Variants in ECE1 observed in about 807,000 individuals in gnomAD.
The protein encoded by ECE1 is endothelin converting enzyme 1, also known as endothelin-converting enzyme 1.
ECE1 carries 35 observed loss-of-function variants against 98.6 expected under a neutral mutation model. The ratio of observed to expected loss-of-function variants is 0.35; its 90% CI spans 0.27 to 0.47. ECE1 has a LOEUF of 0.47. Among genes scored for constraint, ECE1 ranks in the 20% least tolerant of loss-of-function variants. The probability of loss-of-function intolerance (pLI) is 1.00; values close to 1 mark genes in which losing one functional copy is unlikely to be tolerated. For synonymous variants in ECE1, 394 were observed against 407.1 expected (o/e 0.97, Z 0.39); for missense variants, 814 against 1,025.3 (o/e 0.79, Z 2.81).
intron 8 of ECE1, among the ~76,000 whole-genome samples, chr1:21,251,561 T>C (rs1348160474): frequency 6.6e-6 from 1 of 152,186 alleles, no homozygotes; most frequent in Non-Finnish European, 1.5e-5. Context: ...TCTCAGTTTC[T>C]GGGTAACTCT....
At chr1:21,320,444 T>A (rs148809855) in intron 1 of ECE1, among the ~76,000 whole-genome samples, 1 of 152,192 alleles carries the variant, frequency 6.6e-6, no homozygotes, top group Non-Finnish European at 1.5e-5. Flanking sequence ...TACTGTTTTA[T>A]GAGTAATTGA....
intron 4 of ECE1, among the ~76,000 whole-genome samples, chr1:21,261,924 C>T (rs1024561565): frequency 1.3e-5 from 2 of 152,154 alleles, no homozygotes; most frequent in Non-Finnish European, 1.5e-5. Context: ...AAAGGGCAGG[C>T]GGACTGCTTG....
intron 4 of ECE1, among the ~76,000 whole-genome samples, chr1:21,269,797 A>G (rs190268355): frequency 3.9e-5 from 6 of 152,290 alleles, no homozygotes; most frequent in Admixed American, 3.3e-4. Context: ...CACTTGTCCA[A>G]GGCCACACGA....
chr1:21,259,505 A>G (rs1052742811), intron 5 of ECE1, among the ~76,000 whole-genome samples: 8 of 151,912 alleles, frequency 5.3e-5, no homozygotes, highest in African/African-American at 1.9e-4. Flanking sequence ...GCTTCAAGTG[A>G]TCCTCCTGCC....
At chr1:21,311,601 G>A (rs946938066) in intron 1 of ECE1, among the ~76,000 whole-genome samples, 1 of 151,648 alleles carries the variant, frequency 6.6e-6, no homozygotes, top group African/African-American at 2.4e-5. Flanking sequence ...GATCGCTTGA[G>A]CTCAGGAGTT....
chr1:21,253,067 A>AT (rs869200948), intron 8 of ECE1, among the ~76,000 whole-genome samples: 9 of 107,398 alleles, frequency 8.4e-5, no homozygotes. Context: ...ATTTTATTTT[A>AT]TTTTTTTGAG....
At position 21,290,015 on chromosome 1, in the gene ECE1, G is replaced by C. The variant is rs904277239; in HGVS notation, c.138+55C>G. ...GGGCGGGGGGCGCGGCAGCGGCAGCGCGCATGCCCGGGCCCGGGGCGCCTG... is the reference window on the plus strand; with the variant it reads ...GGGCGGGGGGCGCGGCAGCGGCAGCCCGCATGCCCGGGCCCGGGGCGCCTG... On this transcript the variant is annotated intron_variant, in intron 2 of 18. Coordinates refer to ENST00000374893, the MANE Select transcript of ECE1 (RefSeq NM_001397.3). The surrounding 1 kb of genome is among the most constrained non-coding windows in gnomAD (Gnocchi z 7.3). The C allele has an allele frequency of 1.6e-6, 2 of 1,227,348 alleles. No homozygotes were observed. The highest frequency in any genetic ancestry group is 2.9e-4 in the Middle Eastern group (1 of 3,414). 76.0% of individuals were successfully genotyped at this position (1,227,348 alleles called of 1,614,324 possible). A position where few individuals can be genotyped will look rare whatever the true frequency, so the allele number is the denominator to read the frequency against.
intron 1 of ECE1, among the ~76,000 whole-genome samples, chr1:21,342,426 A>AC (rs1277012244): frequency 6.6e-6 from 1 of 151,926 alleles, no homozygotes; most frequent in African/African-American, 2.4e-5. Flanking sequence ...CCTCCTCAGA[A>AC]CCCTCGGCCC....
chr1:21,227,339 G>C (rs1573932215), intron 15 of ECE1, 113 bp from the exon 16 acceptor site: 5 of 1,095,652 alleles, frequency 4.6e-6, no homozygotes, highest in Non-Finnish European at 7.0e-6. Flanking sequence ...AAATTCCACA[G>C]GGCTCTGTGT....
intron 1 of ECE1, among the ~76,000 whole-genome samples, chr1:21,328,476 T>A (rs1324179145): frequency 1.3e-5 from 2 of 152,198 alleles, no homozygotes; most frequent in Non-Finnish European, 2.9e-5. Context: ...AGAATCTGTG[T>A]GTAGGCCAGG....
chr1:21,222,700 G>A (rs563192373), intron 17 of ECE1, among the ~76,000 whole-genome samples: 7 of 151,662 alleles, frequency 4.6e-5, no homozygotes, highest in Non-Finnish European at 7.4e-5. Context: ...AATTAGCCGA[G>A]GTGCGGTGGC....
Position 21,340,419 on chromosome 1 carries a change from G to C in ECE1, c.3+4957C>G, listed in dbSNP as rs1335027370. Among the ~76,000 whole-genome samples, 1 of 152,232 alleles carries C rather than the reference G, an allele frequency of 6.6e-6. No homozygotes were observed. Among genetic ancestry groups the C allele is most frequent in the Non-Finnish European group, 1.5e-5 (1 of 68,034 alleles). Reference sequence around the variant, plus strand: ...TGCCTGCAGCACCACCTTTCTCCCAGGGCCACTTCAGGTGCCTCCTCACTG... The same window carrying C: ...TGCCTGCAGCACCACCTTTCTCCCACGGCCACTTCAGGTGCCTCCTCACTG... On this transcript the variant is annotated intron_variant, in intron 1 of 18. Transcript: ENST00000415912. The surrounding 1 kb of genome is among the most constrained non-coding windows in gnomAD (Gnocchi z 4.6).
chr1:21,249,135 G>A (rs943170958), intron 8 of ECE1, among the ~76,000 whole-genome samples: 3 of 151,908 alleles, frequency 2.0e-5, no homozygotes, highest in Non-Finnish European at 2.9e-5. Context: ...CTGAGGTCAG[G>A]AGTTCAAGAC....
intron 1 of ECE1, among the ~76,000 whole-genome samples, chr1:21,301,179 T>C (rs1055256966): frequency 6.6e-6 from 1 of 152,156 alleles, no homozygotes; most frequent in African/African-American, 2.4e-5. Flanking sequence ...CTTGGGGCTA[T>C]GTCTGACTTC....
chr1:21,247,101 G>A (rs1573961072), intron 9 of ECE1, 120 bp downstream of exon 9: 3 of 1,442,300 alleles, frequency 2.1e-6, no homozygotes, highest in Non-Finnish European at 2.9e-6. Context: ...GCTGCCTCTC[G>A]TAAAAGCCCG....
chr1:21,224,469 A>T (rs1338240105), intron 17 of ECE1, among the ~76,000 whole-genome samples: 2 of 152,142 alleles, frequency 1.3e-5, no homozygotes, highest in Non-Finnish European at 1.5e-5. Context: ...TAAGCAACCT[A>T]TCCAAGGTTT....
intron 4 of ECE1, among the ~76,000 whole-genome samples, chr1:21,267,436 G>A (rs2098235298): frequency 6.6e-6 from 1 of 152,154 alleles, no homozygotes; most frequent in South Asian, 2.1e-4. Flanking sequence ...GAGAGAGAGA[G>A]GCTGTGCAGG....
chr1:21,318,462 C>T (rs933943608), intron 1 of ECE1, among the ~76,000 whole-genome samples: 2 of 152,006 alleles, frequency 1.3e-5, no homozygotes, highest in African/African-American at 4.8e-5. Flanking sequence ...TAGGGGTGTC[C>T]TCCCTGGAGA....
At chr1:21,301,217 G>A (rs1013082931) in intron 1 of ECE1, among the ~76,000 whole-genome samples, 24 of 152,338 alleles carry the variant, frequency 1.6e-4, no homozygotes, top group African/African-American at 3.4e-4. Context: ...TTCATGGGCC[G>A]GGCGCGGTGG....
Sources: allele counts gnomAD v4.1 joint callset (sites outside exome capture counted in the v4.1 genomes callset), GRCh38; gene constraint gnomAD v4.1.1; non-coding constraint Gnocchi (gnomAD v3.1); transcripts MANE v1.5; gene names NCBI Gene and HGNC (gene_info 2026-07-23, HGNC 2026-07-21).